Variants in OR7C1 observed in about 807,000 individuals in gnomAD.
The protein encoded by OR7C1 is olfactory receptor family 7 subfamily C member 1, also known as olfactory receptor 7C1.
For synonymous variants in OR7C1, 152 were observed against 160.7 expected (o/e 0.95, Z 0.41); for missense variants, 324 against 383.3 (o/e 0.85, Z 1.29).
rs547945677 is a variant in OR7C1 at position 14,800,991 on chromosome 19, C to G, written c.-434-227G>C. 1.1e-3 allele frequency among the ~76,000 whole-genome samples: 169 copies of G among 152,280 alleles called. 3 individuals are homozygous for G. In the South Asian group the frequency reaches 0.031, roughly 28 times the overall value. On this transcript the variant is annotated intron_variant, in intron 2 of 4. Transcript: ENST00000641666. ...GTGTTTCTCTTTTTCTTCTCTTCTC[C>G]CTATTAAACCTCCGCCTCTGAACTC...
chr19:14,821,000 T>A (rs2044738565), intron 1 of OR7C1, among the ~76,000 whole-genome samples: 2 of 152,176 alleles, frequency 1.3e-5, no homozygotes, highest in Non-Finnish European at 1.5e-5. Flanking sequence ...ACACCTGTAA[T>A]CCCAGCACTT....
chr19:14,804,648 C>T (rs1040438708), intron 2 of OR7C1, among the ~76,000 whole-genome samples: 2 of 151,872 alleles, frequency 1.3e-5, no homozygotes, highest in Non-Finnish European at 2.9e-5. Context: ...GAAATAGCCA[C>T]AATACATAAA....
At chr19:14,821,972 C>T (rs1485874605) in intron 1 of OR7C1, among the ~76,000 whole-genome samples, 2 of 152,176 alleles carry the variant, frequency 1.3e-5, no homozygotes, top group Non-Finnish European at 2.9e-5. Flanking sequence ...TTTCACTGTG[C>T]CTGGCTTATC....
At chr19:14,834,552 G>A (rs1446505780) in intron 1 of OR7C1, among the ~76,000 whole-genome samples, 1 of 152,132 alleles carries the variant, frequency 6.6e-6, no homozygotes, top group East Asian at 1.9e-4. Context: ...TGTATTATCT[G>A]AATACCTAGC....
chr19:14,814,201 C>T (rs913740200), intron 1 of OR7C1, among the ~76,000 whole-genome samples: 4 of 147,726 alleles, frequency 2.7e-5, no homozygotes, highest in African/African-American at 1.1e-4. Flanking sequence ...CTAAAAACTT[C>T]TGAATGGCAA....
chr19:14,812,496 T>C (rs2044695925), intron 1 of OR7C1, among the ~76,000 whole-genome samples: 1 of 152,164 alleles, frequency 6.6e-6, no homozygotes, highest in African/African-American at 2.4e-5. Flanking sequence ...TGGCCACCAG[T>C]GCATGCATCC....
chr19:14,825,519 G>T (rs905278965), intron 1 of OR7C1: 1 of 152,214 alleles, frequency 6.6e-6, no homozygotes, highest in African/African-American at 2.4e-5. Context: ...AAAAGAATAT[G>T]GTGGAATTGA....
At chr19:14,830,412 AT>A (rs1254089623) in intron 1 of OR7C1, among the ~76,000 whole-genome samples, 20 of 151,628 alleles carry the variant, frequency 1.3e-4, no homozygotes, top group African/African-American at 4.6e-4. Context: ...ACAAAAATAC[AT>A]TGCAAGGGTG....
chr19:14,799,638 A>G (rs1346536292), exon 5 of OR7C1: 8 of 1,614,152 alleles, frequency 5.0e-6, no homozygotes, highest in Non-Finnish European at 6.8e-6. Flanking sequence ...GTGCAGAAGG[A>G]CAGCCTCAAA....
intron 1 of OR7C1, among the ~76,000 whole-genome samples, chr19:14,831,735 G>A (rs952006705): frequency 5.6e-4 from 83 of 148,182 alleles, no homozygotes; most frequent in African/African-American, 2.0e-3. Flanking sequence ...GAGCCACCGC[G>A]CCTGGCCTAT....
At chr19:14,804,102 T>C (rs8113284) in intron 2 of OR7C1, among the ~76,000 whole-genome samples, 30,609 of 151,992 alleles carry the variant, frequency 0.2, 3,274 homozygotes, top group Admixed American at 0.24. Context: ...AGTAAACATC[T>C]AGAAGGCCCT....
intron 1 of OR7C1, among the ~76,000 whole-genome samples, chr19:14,818,172 A>G (rs1014004332): frequency 6.6e-6 from 1 of 151,706 alleles, no homozygotes; most frequent in Non-Finnish European, 1.5e-5. Flanking sequence ...GGCTCACTGC[A>G]AGCTCCGCCT....
chr19:14,809,080 C>T (rs1385330639), intron 2 of OR7C1, among the ~76,000 whole-genome samples: 19 of 151,894 alleles, frequency 1.3e-4, no homozygotes, highest in Admixed American at 5.9e-4. Context: ...TGGTGTGTTT[C>T]GAGTGACACT....
intron 2 of OR7C1, among the ~76,000 whole-genome samples, chr19:14,801,969 G>A (rs1266597238): frequency 6.6e-6 from 1 of 152,184 alleles, no homozygotes; most frequent in Non-Finnish European, 1.5e-5. Context: ...TATAATTCGA[G>A]ATGAGATTTG....
intron 1 of OR7C1, among the ~76,000 whole-genome samples, chr19:14,814,078 G>T (rs1432719043): frequency 6.6e-6 from 1 of 151,962 alleles, no homozygotes; most frequent in East Asian, 1.9e-4. Flanking sequence ...GCTACTAGAT[G>T]AAAACATAGT....
intron 1 of OR7C1, among the ~76,000 whole-genome samples, chr19:14,815,778 T>A (rs1007862072): frequency 2.3e-5 from 3 of 131,978 alleles, no homozygotes; most frequent in Non-Finnish European, 4.9e-5. Context: ...AGTCTCTGAG[T>A]TTGTGCGTGT....
chr19:14,820,293 C>T (rs1007359090), intron 1 of OR7C1, among the ~76,000 whole-genome samples: 1 of 151,838 alleles, frequency 6.6e-6, no homozygotes, highest in African/African-American at 2.4e-5. Flanking sequence ...GCTTTATTTT[C>T]CCAGCCATTC....
chr19:14,815,582 TAA>T, intron 1 of OR7C1, among the ~76,000 whole-genome samples: 1 of 152,340 alleles, frequency 6.6e-6, no homozygotes, highest in Non-Finnish European at 1.5e-5. Flanking sequence ...TTACAAGAAA[TAA>T]AGTCTCCTTT....
intron 1 of OR7C1, chr19:14,827,683 G>C: frequency 6.2e-7 from 1 of 1,614,178 alleles, no homozygotes. Context: ...GAACAAGCAA[G>C]TTGGATGACC....
Sources: allele counts gnomAD v4.1 joint callset (sites outside exome capture counted in the v4.1 genomes callset), GRCh38; gene constraint gnomAD v4.1.1; transcripts MANE v1.5; gene names NCBI Gene and HGNC (gene_info 2026-07-23, HGNC 2026-07-21).